UPRT: variants seen among roughly 807,000 people sequenced by gnomAD.
The protein encoded by UPRT is RP11-311P8.3.
UPRT carries 5 observed loss-of-function variants against 22.6 expected under a neutral mutation model. That is an observed-to-expected ratio of 0.22 (90% confidence interval 0.12 to 0.47). The LOEUF (loss-of-function observed/expected upper bound fraction) is 0.47. Ranked by LOEUF, UPRT falls within the 20% of genes least tolerant of loss-of-function variation. The pLI is 0.99. For missense variants in UPRT, 181 were observed against 239.9 expected, an observed-to-expected ratio of 0.75 and a Z score of 1.62; for synonymous variants, 77 against 87.7, an observed-to-expected ratio of 0.88 and a Z score of 0.68.
intron 4 of UPRT, among the ~76,000 whole-genome samples, chrX:75,169,145 T>C (rs1230668945): frequency 8.9e-6 from 1 of 112,299 alleles, no homozygotes; most frequent in Non-Finnish European, 1.9e-5. Flanking sequence ...TTCCACAGTG[T>C]ATATATACTA....
chrX:75,218,365 A>G (rs1285361506), intron 4 of UPRT, among the ~76,000 whole-genome samples: 31 of 109,054 alleles, frequency 2.8e-4, no homozygotes, highest in African/African-American at 1.0e-3. Context: ...TTAGAGTGGC[A>G]ATCATTAAAA....
chrX:75,202,166 CAT>C (rs1299948113), intron 4 of UPRT, among the ~76,000 whole-genome samples: 1 of 111,151 alleles, frequency 9.0e-6, no homozygotes, highest in Non-Finnish European at 1.9e-5. Flanking sequence ...TCAATATGTT[CAT>C]ATATATGTTT....
intron 4 of UPRT, among the ~76,000 whole-genome samples, chrX:75,268,491 T>A (rs2082597732): frequency 9.0e-6 from 1 of 111,327 alleles, no homozygotes; most frequent in Admixed American, 9.6e-5. Flanking sequence ...CTGATGAACA[T>A]CAAGGTGAAA....
upstream of UPRT, among the ~76,000 whole-genome samples, chrX:75,273,048 T>C (rs758561935): frequency 9.0e-6 from 1 of 111,713 alleles, no homozygotes; most frequent in East Asian, 2.8e-4. Flanking sequence ...AGCTGGAGCC[T>C]ATTATCCTTA....
intron 4 of UPRT, among the ~76,000 whole-genome samples, chrX:75,187,215 C>CT (rs1163342539): frequency 9.0e-6 from 1 of 111,078 alleles, no homozygotes; most frequent in East Asian, 2.8e-4. Context: ...TAGGGCAGGC[C>CT]TGGTGGTGAC....
intron 4 of UPRT, among the ~76,000 whole-genome samples, chrX:75,187,334 A>C (rs1157941457): frequency 9.0e-6 from 1 of 111,444 alleles, no homozygotes; most frequent in African/African-American, 3.3e-5. Context: ...TTTCTTTAAG[A>C]ATGTTGAATA....
intron 4 of UPRT, among the ~76,000 whole-genome samples, chrX:75,237,465 C>T (rs1375962743): frequency 9.0e-6 from 1 of 110,934 alleles, no homozygotes; most frequent in Non-Finnish European, 1.9e-5. Context: ...ACCCAAAGGA[C>T]TATAAATCAT....
At chrX:75,231,056 C>CT (rs397718391) in intron 4 of UPRT, among the ~76,000 whole-genome samples, 1 of 110,527 alleles carries the variant, frequency 9.0e-6, no homozygotes, top group Non-Finnish European at 1.9e-5. Context: ...TATAAAACCC[C>CT]AAAAGATCAC....
chrX:75,299,718 C>CT lies in UPRT; in HGVS notation c.563-11dup, dbSNP rs768800532. ...CTCTTTCCCCTAATCTTTTTTCTTT[C>CT]TTTTTTCTTCTTCAAGGTGAGGCAA... is the stretch of plus-strand genomic sequence containing the variant. On this transcript the variant is annotated splice_polypyrimidine_tract_variant and intron_variant, in intron 4 of 6. Coordinates refer to ENST00000373383, the MANE Select transcript of UPRT (RefSeq NM_145052.4). 109 of 1,176,378 alleles carry CT rather than the reference C, an allele frequency of 9.3e-5. No homozygotes were observed. The highest frequency in any genetic ancestry group is 1.2e-4 in the Non-Finnish European group (105 of 879,589).
intron 4 of UPRT, among the ~76,000 whole-genome samples, chrX:75,194,549 T>C (rs2147620123): frequency 9.0e-6 from 1 of 110,639 alleles, no homozygotes; most frequent in South Asian, 3.9e-4. Context: ...GGGGTGGTGG[T>C]TGAAGTATTT....
At chrX:75,186,115 G>C (rs1428456664) in intron 4 of UPRT, among the ~76,000 whole-genome samples, 1 of 110,924 alleles carries the variant, frequency 9.0e-6, no homozygotes, top group Non-Finnish European at 1.9e-5. Flanking sequence ...TGTGATGTTA[G>C]GGTGTCAATT....
chrX:75,296,364 G>T lies in UPRT; in HGVS notation c.452G>T (p.Gly151Val). 1 of 1,210,479 alleles carries T rather than the reference G, an allele frequency of 8.3e-7. No homozygotes were observed. Among genetic ancestry groups the T allele is most frequent in the Non-Finnish European group, 1.1e-6 (1 of 894,859 alleles). Reference sequence around the variant, plus strand: ...TAGATCAGACTTGTTGTGGAAGAGGGATTGAATCAGCTGCCATATAAAGAA... The same window carrying T: ...TAGATCAGACTTGTTGTGGAAGAGGTATTGAATCAGCTGCCATATAAAGAA... ...DRLIRLVVEE[G>V]LNQLPYKECM... The change falls in exon 3 of 7, where the codon GGA becomes GTA. Residue 151 changes from glycine (G) to valine (V), a missense_variant. By Grantham distance (109) the Gly-to-Val change is moderately radical. This residue lies in a region of UPRT where 70 missense variants were observed against 137.0 expected (regional missense o/e 0.51). Coordinates refer to ENST00000373383, the MANE Select transcript of UPRT (RefSeq NM_145052.4).
chrX:75,218,182 A>C (rs2082399001), intron 4 of UPRT, among the ~76,000 whole-genome samples: 1 of 111,531 alleles, frequency 9.0e-6, no homozygotes, highest in South Asian at 3.7e-4. Context: ...AACTCAAACA[A>C]ATTTACAAGA....
intron 1 of UPRT, chrX:75,291,421 T>C (rs2082706988): frequency 6.1e-6 from 2 of 326,556 alleles, no homozygotes; most frequent in South Asian, 5.4e-5. Flanking sequence ...AGATTACGGT[T>C]ATGATTTAAA....
chrX:75,235,943 G>A, intron 4 of UPRT, among the ~76,000 whole-genome samples: 1 of 111,161 alleles, frequency 9.0e-6, no homozygotes, highest in East Asian at 2.8e-4. Flanking sequence ...GGAAGTTCTG[G>A]CCAGGGCAAT....
chrX:75,300,674 C>A (rs1218669668), intron 5 of UPRT, among the ~76,000 whole-genome samples, 193 bp from the exon 6 acceptor site: 5 of 110,472 alleles, frequency 4.5e-5, no homozygotes, highest in Non-Finnish European at 9.5e-5. Context: ...ATAGTCCCAG[C>A]TACTTGGGAG....
chrX:75,219,311 C>T (rs1168772424), intron 4 of UPRT, among the ~76,000 whole-genome samples: 2 of 111,750 alleles, frequency 1.8e-5, no homozygotes, highest in African/African-American at 6.5e-5. Flanking sequence ...TTTAAATTTC[C>T]CCAGTATGAA....
rs190635841 is a variant in UPRT, at chrX:75,171,691, T to C, written c.-447+3812T>C. Among the ~76,000 whole-genome samples the C allele has an allele frequency of 5.0e-3, 553 of 110,315 alleles. 3 individuals are homozygous for C. The highest frequency in any genetic ancestry group is 8.0e-3 in the Non-Finnish European group (422 of 52,817). ...TGTTACCAGAATTGTTTTTCTGGTT[T>C]CTTCTCATTTGGGTAGGCTATGTCA... On this transcript the variant is annotated intron_variant, in intron 4 of 13. Transcript: ENST00000652605.
At chrX:75,197,181 G>A (rs1186305147) in intron 4 of UPRT, among the ~76,000 whole-genome samples, 2 of 111,570 alleles carry the variant, frequency 1.8e-5, no homozygotes, top group Non-Finnish European at 3.8e-5. Flanking sequence ...GCAAAGGCCA[G>A]CAACCACCTC....
Sources: gnomAD v4.1 joint callset for allele counts (sites outside exome capture counted in the v4.1 genomes callset) on GRCh38, gnomAD v4.1.1 for gene constraint, gnomAD v4.1.1 regional missense constraint, MANE v1.5 for transcripts, NCBI Gene and HGNC (gene_info 2026-07-23, HGNC 2026-07-21) for gene names.